SREK1IP1: variants seen among roughly 807,000 people sequenced by gnomAD.
The protein encoded by SREK1IP1 is protein SREK1IP1.
In SREK1IP1, 12 loss-of-function variants were observed where a neutral mutation model predicts 22.8. The ratio of observed to expected loss-of-function variants is 0.53; its 90% CI spans 0.34 to 0.85. The LOEUF (loss-of-function observed/expected upper bound fraction) is 0.85. Among genes scored for constraint, SREK1IP1 ranks in the 40% least tolerant of loss-of-function variants. SREK1IP1 has a pLI of 0.02. For synonymous variants in SREK1IP1, 53 were observed against 52.7 expected (o/e 1.01, Z -0.02); for missense variants, 147 against 171.8 (o/e 0.86, Z 0.81).
intron 2 of SREK1IP1, among the ~76,000 whole-genome samples, chr5:64,749,062 A>C (rs547198472): frequency 4.8e-4 from 23 of 48,308 alleles, no homozygotes; most frequent in African/African-American, 3.9e-3. Flanking sequence ...TATGCCACAT[A>C]ATAATAATAA....
At position 64,720,686 on chromosome 5, in the gene SREK1IP1, T is replaced by A. The variant is rs970020877; in HGVS notation, c.*3698A>T. 3.3e-5 allele frequency: 5 copies of A among 152,258 alleles called. No individual in the cohort carries two copies. The highest frequency in any genetic ancestry group is 1.2e-4 in the African/African-American group (5 of 41,446). 9.4% of individuals were successfully genotyped at this position (152,258 alleles called of 1,614,324 possible). ...CCACGTCCGGCTAATTTTTCTATTT[T>A]TAGTAGAGACAGGGTTTCGCCAAGT... is the stretch of plus-strand genomic sequence containing the variant. On this transcript the variant is annotated 3_prime_UTR_variant, in exon 5 of 5. Transcript: ENST00000513458.
chr5:64,729,170 G>C (rs1030689643), intron 3 of SREK1IP1, among the ~76,000 whole-genome samples: 1 of 152,128 alleles, frequency 6.6e-6, no homozygotes, highest in African/African-American at 2.4e-5. Context: ...TATTGACCAC[G>C]CTTTCATTTA....
At chr5:64,758,356 A>G (rs1742886173) in intron 1 of SREK1IP1, among the ~76,000 whole-genome samples, 1 of 152,094 alleles carries the variant, frequency 6.6e-6, no homozygotes, top group African/African-American at 2.4e-5. Flanking sequence ...TTTAGTAGAG[A>G]CGGGGTTTCA....
intron 2 of SREK1IP1, among the ~76,000 whole-genome samples, chr5:64,744,110 G>A (rs1421142788): frequency 2.6e-5 from 4 of 152,004 alleles, no homozygotes; most frequent in Admixed American, 6.6e-5. Flanking sequence ...TGACCTTCTG[G>A]GGGCATTCCA....
rs1158439481 is a variant in SREK1IP1, at chr5:64,723,376, T to C, written c.*1008A>G. ...CCAAACTGGTCATTTATGAAAACGT[T>C]AAGTTCAGTGTGAAACTTGCTTTAA... On this transcript the variant is annotated 3_prime_UTR_variant, in exon 5 of 5. Coordinates refer to ENST00000513458, the MANE Select transcript of SREK1IP1 (RefSeq NM_173829.4). The C allele has an allele frequency of 6.6e-6, 1 of 152,170 alleles. No individual in the cohort carries two copies. The highest frequency in any genetic ancestry group is 1.5e-5 in the Non-Finnish European group (1 of 68,032). 9.4% of individuals were successfully genotyped at this position (152,170 alleles called of 1,614,324 possible).
rs940444732 is a variant in SREK1IP1 at position 64,719,292 on chromosome 5, A to C, written c.*5092T>G. ...ATCACTATTGCAACAACCTACTGCCAAAGTTGAACTTCACATTCAAAAATA... is the reference window on the plus strand; with the variant it reads ...ATCACTATTGCAACAACCTACTGCCCAAGTTGAACTTCACATTCAAAAATA... On this transcript the variant is annotated 3_prime_UTR_variant, in exon 5 of 5. Coordinates refer to ENST00000513458, the MANE Select transcript of SREK1IP1 (RefSeq NM_173829.4). 4.6e-5 allele frequency: 7 copies of C among 152,224 alleles called. No individual in the cohort carries two copies. Among genetic ancestry groups the C allele is most frequent in the Non-Finnish European group, 8.8e-5 (6 of 68,042 alleles). 9.4% of individuals were successfully genotyped at this position (152,224 alleles called of 1,614,324 possible).
intron 3 of SREK1IP1, among the ~76,000 whole-genome samples, chr5:64,735,554 C>T (rs1183423435): frequency 1.3e-5 from 2 of 151,970 alleles, no homozygotes; most frequent in Admixed American, 1.3e-4. Flanking sequence ...TGCGGGGGTA[C>T]TCTTCATATT....
intron 2 of SREK1IP1, among the ~76,000 whole-genome samples, chr5:64,745,177 G>T (rs1038729123): frequency 6.6e-6 from 1 of 152,074 alleles, no homozygotes; most frequent in Admixed American, 6.6e-5. Context: ...TTTTGAGTTG[G>T]GTTTTTTTGT....
chr5:64,765,458 T>C (rs1262039075), intron 1 of SREK1IP1, among the ~76,000 whole-genome samples: 2 of 152,220 alleles, frequency 1.3e-5, no homozygotes, highest in Non-Finnish European at 2.9e-5. Flanking sequence ...AACATAATAC[T>C]TGTCCTCCTT....
intron 1 of SREK1IP1, among the ~76,000 whole-genome samples, chr5:64,762,186 T>C (rs1006278643): frequency 1.3e-5 from 2 of 152,188 alleles, no homozygotes; most frequent in Non-Finnish European, 2.9e-5. Flanking sequence ...AAGCCTGACA[T>C]TTTCATTACA....
intron 3 of SREK1IP1, among the ~76,000 whole-genome samples, chr5:64,736,178 C>G (rs1742459269): frequency 6.6e-6 from 1 of 151,914 alleles, no homozygotes; most frequent in African/African-American, 2.4e-5. Context: ...TCTGCTATGG[C>G]CCAGAATCAG....
chr5:64,747,729 C>A (rs1226945544), intron 2 of SREK1IP1, among the ~76,000 whole-genome samples: 3 of 151,894 alleles, frequency 2.0e-5, no homozygotes, highest in South Asian at 2.1e-4. Context: ...GAGATTGAGA[C>A]CATCCTGGCT....
At chr5:64,763,160 A>T (rs6880859) in intron 1 of SREK1IP1, among the ~76,000 whole-genome samples, 10,150 of 152,238 alleles carry the variant, frequency 0.067, 1,104 homozygotes, top group African/African-American at 0.23. Flanking sequence ...CTGATATGAG[A>T]TTTATACTGA....
intron 3 of SREK1IP1, among the ~76,000 whole-genome samples, chr5:64,732,933 A>G (rs896187315): frequency 1.3e-5 from 2 of 151,874 alleles, no homozygotes; most frequent in Admixed American, 1.3e-4. Flanking sequence ...AAAAAAAAAA[A>G]GCAAAGCAAT....
At chr5:64,745,311 C>A (rs115292017) in intron 2 of SREK1IP1, among the ~76,000 whole-genome samples, 9,801 of 152,218 alleles carry the variant, frequency 0.064, 1,041 homozygotes, top group African/African-American at 0.23. Context: ...ATGATACAGG[C>A]TGGGCATGGT....
At chr5:64,767,478 C>T (rs1295067690) in intron 1 of SREK1IP1, among the ~76,000 whole-genome samples, 1 of 152,146 alleles carries the variant, frequency 6.6e-6, no homozygotes, top group Admixed American at 6.5e-5. Flanking sequence ...TCTCTCACAG[C>T]TCCAGATGTA....
intron 4 of SREK1IP1, among the ~76,000 whole-genome samples, chr5:64,725,696 T>C (rs563831481): frequency 1.3e-5 from 2 of 152,252 alleles, no homozygotes; most frequent in Admixed American, 6.5e-5. Flanking sequence ...TTCTCATGTA[T>C]TCTCCTGCAC....
intron 2 of SREK1IP1, among the ~76,000 whole-genome samples, chr5:64,748,602 C>A (rs983151211): frequency 3.3e-5 from 5 of 152,176 alleles, no homozygotes; most frequent in African/African-American, 1.2e-4. Flanking sequence ...AACACAGTAA[C>A]CCTGGGCCTC....
chr5:64,741,659 C>T (rs1364206668), intron 2 of SREK1IP1, among the ~76,000 whole-genome samples: 2 of 152,078 alleles, frequency 1.3e-5, no homozygotes, highest in Non-Finnish European at 2.9e-5. Flanking sequence ...TAATAATATA[C>T]AAGCATTAAT....
Sources: gnomAD v4.1 joint callset for allele counts (sites outside exome capture counted in the v4.1 genomes callset) on GRCh38, gnomAD v4.1.1 for gene constraint, MANE v1.5 for transcripts, NCBI Gene and HGNC (gene_info 2026-07-23, HGNC 2026-07-21) for gene names.